CEP128: variants seen among roughly 807,000 people sequenced by gnomAD.
CEP128 encodes the protein centrosomal protein 128kDa.
In CEP128, 132 loss-of-function variants were observed where a neutral mutation model predicts 156.7. The observed-to-expected ratio is 0.84, with a 90% CI of 0.73 to 0.97. The LOEUF (loss-of-function observed/expected upper bound fraction) is 0.97, where lower values mean the gene tolerates loss of function less well. Among genes scored for constraint, CEP128 ranks in the 50% least tolerant of loss-of-function variants. The pLI is 0.00. For missense variants in CEP128, 1,252 were observed against 1,281.9 expected, an observed-to-expected ratio of 0.98 and a Z score of 0.36; for synonymous variants, 469 against 448.9, an observed-to-expected ratio of 1.04 and a Z score of -0.57.
At chr14:80,740,856 C>T (rs1438659607) in intron 19 of CEP128, among the ~76,000 whole-genome samples, 1 of 152,072 alleles carries the variant, frequency 6.6e-6, no homozygotes, top group East Asian at 1.9e-4. Context: ...GTACAGTACA[C>T]GCTGCTGGGA....
chr14:80,537,100 A>G (rs1374043986), intron 21 of CEP128, among the ~76,000 whole-genome samples: 2 of 152,166 alleles, frequency 1.3e-5, no homozygotes, highest in South Asian at 4.1e-4. Context: ...AAATTTGAGA[A>G]CAGGTAACAT....
Position 80,826,562 on chromosome 14 carries a change from A to AACAACCTTCCTTCTATTT in CEP128, c.1209+4563_1209+4580dup, listed in dbSNP as rs1885492075. Reference sequence around the variant, plus strand: ...TGAATCAAGAGTTTATGGTAAAAGAAACAACCTTCCTTCTATTTGTATTGT... The same window carrying AACAACCTTCCTTCTATTT: ...TGAATCAAGAGTTTATGGTAAAAGAAACAACCTTCCTTCTATTTACAACCTTCCTTCTATTTGTATTGT... On this transcript the variant is annotated intron_variant, in intron 13 of 24. Transcript: ENST00000555265. Among the ~76,000 whole-genome samples the AACAACCTTCCTTCTATTT allele has an allele frequency of 2.0e-5, 3 of 152,182 alleles. No individual in the cohort carries two copies. The South Asian group carries it at 6.2e-4, about 32-fold the overall frequency.
intron 12 of CEP128, 106 bp downstream of exon 12, chr14:80,836,099 G>A (rs1011600795): frequency 3.1e-6 from 3 of 981,706 alleles, no homozygotes; most frequent in South Asian, 3.1e-5. Flanking sequence ...AGTATGACGT[G>A]AGCATCACAA....
intron 21 of CEP128, among the ~76,000 whole-genome samples, chr14:80,558,654 C>G (rs972034234): frequency 2.6e-5 from 4 of 151,508 alleles, no homozygotes; most frequent in Non-Finnish European, 4.4e-5. Context: ...AACTCCTGAC[C>G]TCAAATGATC....
intron 8 of CEP128, among the ~76,000 whole-genome samples, chr14:80,864,980 T>C (rs562604715): frequency 6.6e-6 from 1 of 152,196 alleles, no homozygotes; most frequent in African/African-American, 2.4e-5. Context: ...TAACATTATT[T>C]TTGCCAATAC....
At chr14:80,809,075 AG>A (rs1264101584) in intron 13 of CEP128, among the ~76,000 whole-genome samples, 1 of 152,216 alleles carries the variant, frequency 6.6e-6, no homozygotes, top group Non-Finnish European at 1.5e-5. Flanking sequence ...AAACTAAAGC[AG>A]CTCAGTGAAA....
At chr14:80,901,148 G>GTGAGCC (rs1352596407) in intron 6 of CEP128, among the ~76,000 whole-genome samples, 1 of 151,882 alleles carries the variant, frequency 6.6e-6, no homozygotes, top group Non-Finnish European at 1.5e-5. Context: ...GGAGCTTGCA[G>GTGAGCC]TGAGCCGAGA....
intron 8 of CEP128, among the ~76,000 whole-genome samples, chr14:80,871,511 T>C (rs1422150877): frequency 6.6e-6 from 1 of 152,122 alleles, no homozygotes; most frequent in Non-Finnish European, 1.5e-5. Flanking sequence ...TGCCATTTCC[T>C]GAGACAGTGA....
chr14:80,933,937 C>A (rs143671294), intron 2 of CEP128, among the ~76,000 whole-genome samples: 1 of 152,072 alleles, frequency 6.6e-6, no homozygotes, highest in Non-Finnish European at 1.5e-5. Flanking sequence ...GGGAAATAAG[C>A]CTTAGATTGC....
intron 3 of CEP128, among the ~76,000 whole-genome samples, chr14:80,915,340 G>T (rs544733604): frequency 2.6e-5 from 4 of 152,262 alleles, no homozygotes; most frequent in Middle Eastern, 3.4e-3. Context: ...TACTTTAAAT[G>T]AGTTTAAAAA....
rs529697754 is a variant in CEP128 at position 80,703,148 on chromosome 14, T to C, written c.2806+39927A>G. On this transcript the variant is annotated intron_variant, in intron 19 of 24. Coordinates refer to ENST00000555265, the MANE Select transcript of CEP128 (RefSeq NM_152446.5). ...AGGCAGGCAAAATCAATCACTCTTGTGTTAAAAAACAGTAGAACTTGGAAA... is the reference window on the plus strand; with the variant it reads ...AGGCAGGCAAAATCAATCACTCTTGCGTTAAAAAACAGTAGAACTTGGAAA... Among the ~76,000 whole-genome samples, 174 of 152,250 alleles carry C rather than the reference T, an allele frequency of 1.1e-3. 2 individuals are homozygous for C. Among genetic ancestry groups the C allele is most frequent in the African/African-American group, 4.1e-3 (172 of 41,560 alleles).
intron 18 of CEP128, among the ~76,000 whole-genome samples, chr14:80,747,887 G>C (rs913816174): frequency 2.0e-5 from 3 of 152,140 alleles, no homozygotes; most frequent in Admixed American, 6.5e-5. Flanking sequence ...ATAGGTGATG[G>C]CTAAGGCGTC....
chr14:80,732,525 C>T lies in CEP128; in HGVS notation c.2806+10550G>A, dbSNP rs563860038. On this transcript the variant is annotated intron_variant, in intron 19 of 24. Transcript: ENST00000555265. ...GTGTGTGTGTGTGTGTGTGTGGTTTCTCCAATAAAACCTGTTAGGTAGAGG... is the reference window on the plus strand; with the variant it reads ...GTGTGTGTGTGTGTGTGTGTGGTTTTTCCAATAAAACCTGTTAGGTAGAGG... Among the ~76,000 whole-genome samples, 914 of 119,122 alleles carry T rather than the reference C, an allele frequency of 7.7e-3. 4 individuals carry two copies. Among genetic ancestry groups the T allele is most frequent in the Non-Finnish European group, 0.013 (718 of 56,820 alleles). 78.1% of individuals were successfully genotyped at this position (119,122 alleles called of 152,430 possible).
intron 7 of CEP128, among the ~76,000 whole-genome samples, chr14:80,898,151 G>T (rs1889435505): frequency 6.6e-6 from 1 of 152,148 alleles, no homozygotes; most frequent in African/African-American, 2.4e-5. Context: ...CTTTCTAAAA[G>T]TTTGCTTCCC....
intron 13 of CEP128, among the ~76,000 whole-genome samples, chr14:80,808,344 G>A (rs913924633): frequency 2.6e-5 from 4 of 152,280 alleles, no homozygotes; most frequent in Non-Finnish European, 5.9e-5. Context: ...ACCTCTGCAT[G>A]ACTCTGCAGT....
At chr14:80,728,538 A>G (rs1359719052) in intron 19 of CEP128, among the ~76,000 whole-genome samples, 3 of 152,134 alleles carry the variant, frequency 2.0e-5, no homozygotes, top group African/African-American at 7.2e-5. Flanking sequence ...AAAAAAGTAC[A>G]TTTTAAATGT....
intron 15 of CEP128, among the ~76,000 whole-genome samples, chr14:80,783,783 T>A (rs1361369203): frequency 6.6e-6 from 1 of 152,184 alleles, no homozygotes; most frequent in Non-Finnish European, 1.5e-5. Flanking sequence ...AGCATTTTTA[T>A]TTCTTAGGAG....
chr14:80,713,144 G>A (rs1897474070), intron 19 of CEP128, among the ~76,000 whole-genome samples: 1 of 152,072 alleles, frequency 6.6e-6, no homozygotes. Flanking sequence ...GTAAAAAGCA[G>A]CCTCCCCATT....
intron 19 of CEP128, among the ~76,000 whole-genome samples, chr14:80,613,405 C>T (rs1462817084): frequency 1.4e-5 from 2 of 140,728 alleles, no homozygotes; most frequent in African/African-American, 2.6e-5. Flanking sequence ...TGGGTTCATG[C>T]CATTCTCCCA....
Sources: gnomAD v4.1 joint callset for allele counts (sites outside exome capture counted in the v4.1 genomes callset) on GRCh38, gnomAD v4.1.1 for gene constraint, MANE v1.5 for transcripts, NCBI Gene and HGNC (gene_info 2026-07-23, HGNC 2026-07-21) for gene names.